Variants in ZNF506 observed in about 807,000 individuals in gnomAD.
ZNF506 encodes zinc finger protein 506.
Under a neutral mutation model 11.6 loss-of-function variants are expected in ZNF506, and 10 were observed. That is an observed-to-expected ratio of 0.86 (90% CI 0.53 to 1.46). The LOEUF (loss-of-function observed/expected upper bound fraction) is 1.46. Among genes scored for constraint, ZNF506 ranks in the 40% most tolerant of loss-of-function variants. The pLI, the probability that ZNF506 is intolerant of heterozygous loss-of-function variation, is 0.00. For missense variants in ZNF506, 425 were observed against 521.2 expected, an observed-to-expected ratio of 0.82 and a Z score of 1.80; for synonymous variants, 156 against 173.3, an observed-to-expected ratio of 0.90 and a Z score of 0.78.
Position 19,815,128 on chromosome 19 carries a change from C to T in ZNF506, c.3+6473G>A, listed in dbSNP as rs529016364. Among the ~76,000 whole-genome samples, 5 of 152,116 alleles carry T rather than the reference C, an allele frequency of 3.3e-5. No homozygotes were observed. The South Asian group carries it at 8.3e-4, about 25-fold the overall frequency. ...AAAAAAAATTAGCCAGGCGTGGTGG[C>T]GGGCACCTGTAGTCCCAGCTACTCA... On this transcript the variant is annotated intron_variant, in intron 1 of 3. Coordinates refer to ENST00000540806, the MANE Select transcript of ZNF506 (RefSeq NM_001099269.3).
At chr19:19,821,138 G>A (rs1488772462) in intron 1 of ZNF506, among the ~76,000 whole-genome samples, 1 of 152,156 alleles carries the variant, frequency 6.6e-6, no homozygotes, top group Non-Finnish European at 1.5e-5. Flanking sequence ...GACCTCAACT[G>A]ATCAGCCCGC....
At chr19:19,804,011 C>T (rs986023844) in intron 3 of ZNF506, among the ~76,000 whole-genome samples, 4 of 151,956 alleles carry the variant, frequency 2.6e-5, no homozygotes, top group African/African-American at 9.7e-5. Flanking sequence ...CAATTTTGTC[C>T]ATTCAGGACA....
chr19:19,801,521 G>C (rs1379322541), intron 3 of ZNF506, among the ~76,000 whole-genome samples: 1 of 151,644 alleles, frequency 6.6e-6, no homozygotes, highest in Non-Finnish European at 1.5e-5. Context: ...GGGCATGGAG[G>C]CTTGAGCCTG....
At chr19:19,815,241 C>A (rs2062920601) in intron 1 of ZNF506, among the ~76,000 whole-genome samples, 1 of 152,174 alleles carries the variant, frequency 6.6e-6, no homozygotes, top group Non-Finnish European at 1.5e-5. Context: ...GCCTGGGCAA[C>A]ACAGCGAGAC....
At chr19:19,813,666 A>T (rs1391259648) in intron 1 of ZNF506, among the ~76,000 whole-genome samples, 2 of 152,226 alleles carry the variant, frequency 1.3e-5, no homozygotes, top group African/African-American at 4.8e-5. Context: ...TCAATGGTAG[A>T]CTGGATAAAG....
intron 1 of ZNF506, among the ~76,000 whole-genome samples, chr19:19,810,552 A>G (rs1323773234): frequency 6.6e-6 from 1 of 152,126 alleles, no homozygotes; most frequent in African/African-American, 2.4e-5. Context: ...TCGGTCATCA[A>G]AATTTTTTTA....
intron 3 of ZNF506, among the ~76,000 whole-genome samples, chr19:19,803,462 C>T (rs1464762140): frequency 1.3e-5 from 2 of 152,230 alleles, no homozygotes; most frequent in Non-Finnish European, 2.9e-5. Flanking sequence ...CATCCTGATA[C>T]AACGCCCACC....
At chr19:19,819,825 G>A (rs900539858) in intron 1 of ZNF506, among the ~76,000 whole-genome samples, 7 of 152,174 alleles carry the variant, frequency 4.6e-5, no homozygotes, top group Non-Finnish European at 1.0e-4. Context: ...TTGGTCAGGC[G>A]CAGTGGCTCA....
At chr19:19,813,682 A>G (rs1006438324) in intron 1 of ZNF506, among the ~76,000 whole-genome samples, 1 of 152,226 alleles carries the variant, frequency 6.6e-6, no homozygotes, top group African/African-American at 2.4e-5. Context: ...TAAAGAAAAT[A>G]TGGTATGGTC....
At position 19,794,838 on chromosome 19, in the gene ZNF506, A is replaced by G. The variant is rs772110425; in HGVS notation, c.1049T>C (p.Phe350Ser). The change falls in exon 4 of 4, where the codon TTT becomes TCT. Residue 350 changes from phenylalanine (F) to serine (S), a missense_variant. By Grantham distance (155) the Phe-to-Ser change is radical. Transcript: ENST00000540806. Reference protein sequence around the residue: ...PYKCDECGKTFTWYSSLSKHK... With the variant: ...PYKCDECGKTSTWYSSLSKHK... ...TTTAGAGAGGCTTGAGTACCAGGTA[A>G]AGGTTTTGCCACATTCGTCACATTT... 1.2e-6 allele frequency: 2 copies of G among 1,612,350 alleles called. No individual in the cohort carries two copies. The highest frequency in any genetic ancestry group is 2.2e-5 in the East Asian group (1 of 44,698).
At chr19:19,821,507 C>T (rs1337485773) in intron 1 of ZNF506, 94 bp downstream of exon 1, 1 of 1,533,030 alleles carries the variant, frequency 6.5e-7, no homozygotes, top group African/African-American at 1.4e-5. Flanking sequence ...TGCCGGGAGG[C>T]CTGAGTTCTG....
At chr19:19,799,823 A>G (rs546270956) in intron 3 of ZNF506, among the ~76,000 whole-genome samples, 1 of 151,942 alleles carries the variant, frequency 6.6e-6, no homozygotes, top group African/African-American at 2.4e-5. Flanking sequence ...TAAAAACAGC[A>G]AATCCAAAAC....
At chr19:19,819,964 G>A (rs1290448587) in intron 1 of ZNF506, among the ~76,000 whole-genome samples, 1 of 152,124 alleles carries the variant, frequency 6.6e-6, no homozygotes, top group African/African-American at 2.4e-5. Flanking sequence ...GGGCGTGGTG[G>A]CACGCGCCTG....
At position 19,793,622 on chromosome 19, in the gene ZNF506, A is replaced by AT. The variant is rs2062712753; in HGVS notation, c.*929dup. On this transcript the variant is annotated 3_prime_UTR_variant, in exon 4 of 4. Transcript: ENST00000540806. ...TTTAAAGGCTTATATTTTCTGAAAG[A>AT]TTTTTTGACAGTAATTGCACTTTTA... 6.6e-6 allele frequency among the ~76,000 whole-genome samples: 1 copy of AT among 152,200 alleles called. No individual in the cohort carries two copies. The highest frequency in any genetic ancestry group is 1.5e-5 in the Non-Finnish European group (1 of 68,030).
At chr19:19,803,753 G>A (rs2062813663) in intron 3 of ZNF506, among the ~76,000 whole-genome samples, 1 of 152,102 alleles carries the variant, frequency 6.6e-6, no homozygotes, top group Admixed American at 6.6e-5. Flanking sequence ...GAGGTGTTTT[G>A]TTTTCTCCAT....
chr19:19,810,514 G>T (rs975858955), intron 1 of ZNF506, among the ~76,000 whole-genome samples: 5 of 151,960 alleles, frequency 3.3e-5, no homozygotes, highest in Non-Finnish European at 7.4e-5. Context: ...GTAGTTAAAG[G>T]TCCCAGCATT....
intron 1 of ZNF506, among the ~76,000 whole-genome samples, 167 bp downstream of exon 1, chr19:19,821,434 G>A (rs1468192722): frequency 6.6e-6 from 1 of 152,200 alleles, no homozygotes; most frequent in Non-Finnish European, 1.5e-5. Flanking sequence ...CAACGCAGCC[G>A]CCATGTTATG....
chr19:19,811,161 G>A (rs2062879907), intron 1 of ZNF506, among the ~76,000 whole-genome samples: 1 of 152,126 alleles, frequency 6.6e-6, no homozygotes, highest in Admixed American at 6.6e-5. Context: ...GTCTTCTAGA[G>A]TAACTTTTTT....
In ZNF506 at chr19:19,794,956, T is replaced by C. The variant is rs749422353; in HGVS notation, c.931A>G (p.Lys311Glu). Residue 311 changes from lysine (K) to glutamate (E), a missense_variant, in exon 4 of 4, where the codon AAA becomes GAA. Lys to Glu is a moderately conservative substitution (Grantham distance 56). Transcript: ENST00000540806. The part of the protein sequence containing the change: ...TKHEIIHTGE[K>E]PYKCEECGKA... ...CCACATTCCTCACATTTGTAGGGTT[T>C]CTCTCCAGTATGAATTATCTCATGT... 3 of 1,613,930 alleles carry C rather than the reference T, an allele frequency of 1.9e-6. No individual in the cohort carries two copies. Among genetic ancestry groups the C allele is most frequent in the Non-Finnish European group, 2.5e-6 (3 of 1,179,994 alleles).
Sources: allele counts gnomAD v4.1 joint callset (sites outside exome capture counted in the v4.1 genomes callset), GRCh38; gene constraint gnomAD v4.1.1; transcripts MANE v1.5; gene names NCBI Gene and HGNC (gene_info 2026-07-23, HGNC 2026-07-21).